Variants in RRM2 observed in about 807,000 individuals in gnomAD.
The protein encoded by RRM2 is ribonucleotide reductase regulatory subunit M2.
A neutral mutation model predicts 45.9 loss-of-function variants in RRM2; 6 were observed. That is an observed-to-expected ratio of 0.13 (90% CI 0.07 to 0.26). The LOEUF is 0.26. RRM2 is among the 10% of genes least tolerant of loss of function. RRM2 has a pLI of 1.00. For synonymous variants in RRM2, 177 were observed against 173.0 expected (o/e 1.02, Z -0.18); for missense variants, 343 against 489.5 (o/e 0.70, Z 2.82).
intron 3 of RRM2, among the ~76,000 whole-genome samples, chr2:10,191,580 G>A (rs1664308151): frequency 6.6e-6 from 1 of 152,156 alleles, no homozygotes; most frequent in South Asian, 2.1e-4. Flanking sequence ...ACAAAGGGAA[G>A]TCTCTGAGTT....
rs961659980 is a variant in RRM2 at position 10,172,848 on chromosome 2, C to A, written n.482+30473C>A. Reference sequence around the variant, plus strand: ...AAACCGAGCTCAGGGCCCATCTGAGCAGGGGCCCGGTGTGACCACACGGAT... The same window carrying A: ...AAACCGAGCTCAGGGCCCATCTGAGAAGGGGCCCGGTGTGACCACACGGAT... On this transcript the variant is annotated intron_variant and non_coding_transcript_variant, in intron 3 of 3. Transcript: ENST00000381786. The surrounding 1 kb of genome is among the most constrained non-coding windows in gnomAD (Gnocchi z 4.9). Among the ~76,000 whole-genome samples, 2 of 152,246 alleles carry A rather than the reference C, an allele frequency of 1.3e-5. No individual in the cohort carries two copies. Among genetic ancestry groups the A allele is most frequent in the African/African-American group, 4.8e-5 (2 of 41,464 alleles).
intron 3 of RRM2, among the ~76,000 whole-genome samples, chr2:10,149,199 G>A (rs1218159021): frequency 6.6e-6 from 1 of 151,410 alleles, no homozygotes; most frequent in African/African-American, 2.4e-5. Flanking sequence ...TGGGATCTCA[G>A]CTTGCTGCAA....
At chr2:10,183,206 G>T (rs764617105) in intron 3 of RRM2, among the ~76,000 whole-genome samples, 3 of 152,148 alleles carry the variant, frequency 2.0e-5, no homozygotes, top group African/African-American at 7.2e-5. Flanking sequence ...GAGGAGAGGC[G>T]TGAGCATTGA....
intron 3 of RRM2, among the ~76,000 whole-genome samples, chr2:10,168,404 A>C (rs915471719): frequency 2.0e-5 from 3 of 152,134 alleles, no homozygotes; most frequent in Non-Finnish European, 4.4e-5. Context: ...CCCAGAAAGG[A>C]ATTTATGGCA....
At chr2:10,196,458 C>T (rs1419190682) in intron 3 of RRM2, among the ~76,000 whole-genome samples, 1 of 152,178 alleles carries the variant, frequency 6.6e-6, no homozygotes, top group Non-Finnish European at 1.5e-5. Context: ...GACCAGCAGC[C>T]GGCACTGCCT....
At chr2:10,122,661 G>C, upstream of RRM2, 1 of 1,549,074 alleles carries the variant, frequency 6.5e-7, no homozygotes. Context: ...GGGAAGGGCC[G>C]GGGCACCAAA....
At chr2:10,132,270 A>T (rs1448773944), downstream of RRM2, among the ~76,000 whole-genome samples, 1 of 152,212 alleles carries the variant, frequency 6.6e-6, no homozygotes, top group Non-Finnish European at 1.5e-5. Context: ...GCTAAGCCAG[A>T]GGGGAGGCCC....
chr2:10,201,348 GAA>G (rs2125333619), intron 3 of RRM2, among the ~76,000 whole-genome samples: 1 of 152,244 alleles, frequency 6.6e-6, no homozygotes, highest in East Asian at 1.9e-4. Context: ...TAGCTCAAAA[GAA>G]AAGCCTCTTT....
intron 3 of RRM2, among the ~76,000 whole-genome samples, chr2:10,184,916 A>G (rs1664134686): frequency 1.3e-5 from 2 of 152,210 alleles, no homozygotes; most frequent in Non-Finnish European, 1.5e-5. Flanking sequence ...TTAGAAGAGC[A>G]CAGGTCTGAA....
At chr2:10,156,016 G>A (rs1272858058) in intron 3 of RRM2, 3 of 152,274 alleles carry the variant, frequency 2.0e-5, no homozygotes, top group African/African-American at 4.8e-5. Context: ...TGAGGACTGG[G>A]TTTCTCTGGC....
intron 3 of RRM2, among the ~76,000 whole-genome samples, chr2:10,190,435 G>GA (rs144532626): frequency 3.2e-5 from 4 of 123,840 alleles, no homozygotes; most frequent in Non-Finnish European, 4.9e-5. Flanking sequence ...GGTGATGAGT[G>GA]TGATGATGAT....
At chr2:10,210,258 T>C (rs1229452563) in intron 3 of RRM2, 1 of 1,237,820 alleles carries the variant, frequency 8.1e-7, no homozygotes, top group Non-Finnish European at 1.1e-6. Flanking sequence ...TTTGGGGGCA[T>C]GGGTTGGATG....
chr2:10,133,551 T>C (rs1266185273), downstream of RRM2, among the ~76,000 whole-genome samples: 1 of 152,156 alleles, frequency 6.6e-6, no homozygotes, highest in East Asian at 1.9e-4. Context: ...CAGCCCCTCA[T>C]CCGTGAGTGG....
intron 3 of RRM2, among the ~76,000 whole-genome samples, chr2:10,173,676 C>G (rs558456652): frequency 6.6e-6 from 1 of 152,360 alleles, no homozygotes; most frequent in South Asian, 2.1e-4. Flanking sequence ...GCGGGCACCC[C>G]CGATGCACAG....
intron 3 of RRM2, among the ~76,000 whole-genome samples, chr2:10,200,126 C>G (rs1307325592): frequency 1.3e-5 from 2 of 152,174 alleles, no homozygotes; most frequent in African/African-American, 4.8e-5. Flanking sequence ...AACCACCGCA[C>G]CCAGCTGTGG....
At chr2:10,138,730 C>T (rs925000026), upstream of RRM2, among the ~76,000 whole-genome samples, 1 of 152,230 alleles carries the variant, frequency 6.6e-6, no homozygotes, top group Non-Finnish European at 1.5e-5. Context: ...GTAATCCAGG[C>T]CCAACAGGCT....
rs926099026 is a variant in RRM2, at chr2:10,169,443, T to C, written n.482+27068T>C. 1.5e-4 allele frequency among the ~76,000 whole-genome samples: 23 copies of C among 152,222 alleles called. No individual in the cohort carries two copies. The highest frequency in any genetic ancestry group is 4.8e-4 in the African/African-American group (20 of 41,456). Reference sequence around the variant, plus strand: ...CTCATAGGCGCTGTGAAGGCCTTGATGTCCTCTGGTGCCAACGCAACAGAG... The same window carrying C: ...CTCATAGGCGCTGTGAAGGCCTTGACGTCCTCTGGTGCCAACGCAACAGAG... On this transcript the variant is annotated intron_variant and non_coding_transcript_variant, in intron 3 of 3. Coordinates refer to the RRM2 transcript ENST00000381786. The surrounding 1 kb of genome is among the most constrained non-coding windows in gnomAD (Gnocchi z 5.1).
intron 3 of RRM2, among the ~76,000 whole-genome samples, chr2:10,194,746 G>A (rs1664378722): frequency 6.6e-6 from 1 of 152,226 alleles, no homozygotes; most frequent in Non-Finnish European, 1.5e-5. Flanking sequence ...CTCTACGGGG[G>A]CATCCAGACT....
At chr2:10,192,801 G>C (rs2125329698) in intron 3 of RRM2, 1 of 152,914 alleles carries the variant, frequency 6.5e-6, no homozygotes, top group African/African-American at 2.4e-5. Flanking sequence ...TTCGGACCCT[G>C]AACCCCCAGC....
Sources: gnomAD v4.1 joint callset for allele counts (sites outside exome capture counted in the v4.1 genomes callset) on GRCh38, gnomAD v4.1.1 for gene constraint, Gnocchi (gnomAD v3.1) non-coding constraint, MANE v1.5 for transcripts, NCBI Gene and HGNC (gene_info 2026-07-23, HGNC 2026-07-21) for gene names.